The following SPTBN4 variants were observed in gnomAD, a reference collection of about 807,000 sequenced individuals.
The protein encoded by SPTBN4 is spectrin beta chain, non-erythrocytic 4.
In SPTBN4, 96 loss-of-function variants were observed where a neutral mutation model predicts 277.8. The observed-to-expected ratio is 0.35, with a 90% CI of 0.29 to 0.41. SPTBN4 has a LOEUF of 0.41. Among genes scored for constraint, SPTBN4 ranks in the 10% least tolerant of loss-of-function variants. SPTBN4 has a pLI of 1.00. For synonymous variants in SPTBN4, 1,481 were observed against 1,580.3 expected, an observed-to-expected ratio of 0.94 and a Z score of 1.49; for missense variants, 3,006 against 3,595.7, an observed-to-expected ratio of 0.84 and a Z score of 4.19.
Position 40,554,804 on chromosome 19 carries a change from G to C in SPTBN4, c.5084+158G>C. ...ATTTGGCAAGTGGGCGGGCCGGAAT[G>C]GGGGGACACGGCTCAGGGATGGTTG... On this transcript the variant is annotated intron_variant, in intron 24 of 35. Coordinates refer to ENST00000598249, the MANE Select transcript of SPTBN4 (RefSeq NM_020971.3). This position sits in a 1 kb window ranked among gnomAD's most constrained non-coding sequence, Gnocchi z 5.7. The C allele has an allele frequency of 9.0e-7, 1 of 1,114,088 alleles. No homozygotes were observed. Among genetic ancestry groups the C allele is most frequent in the Non-Finnish European group, 1.3e-6 (1 of 775,808 alleles). 69.0% of individuals were successfully genotyped at this position (1,114,088 alleles called of 1,614,324 possible). A position where few individuals can be genotyped will look rare whatever the true frequency, so the allele number is the denominator to read the frequency against.
rs530023912 is a variant in SPTBN4 at position 40,486,785 on chromosome 19, G to T, written c.170-912G>T. ...GCTGAGGCCATGGCTGTATTTATCC[G>T]TGTCCTCTCTGAACTGAGCTCTGTG... On this transcript the variant is annotated intron_variant, in intron 2 of 35. Coordinates refer to ENST00000598249, the MANE Select transcript of SPTBN4 (RefSeq NM_020971.3). Among the ~76,000 whole-genome samples, 3 of 152,132 alleles carry T rather than the reference G, an allele frequency of 2.0e-5. No homozygotes were observed. In the South Asian group the frequency reaches 6.2e-4, roughly 32 times the overall value.
At position 40,556,232 on chromosome 19, in the gene SPTBN4, G is replaced by C; in HGVS notation, c.5233G>C (p.Glu1745Gln). Residue 1745 changes from glutamate (E) to glutamine (Q), a missense_variant, in exon 25 of 36, where the codon GAG (glutamate) becomes CAG (glutamine). This residue lies in a region of SPTBN4 where 425 missense variants were observed against 594.7 expected (regional missense o/e 0.71). Coordinates refer to ENST00000598249, the MANE Select transcript of SPTBN4 (RefSeq NM_020971.3). ...GAGCGAGCTTGAGCACTGGATTGCC[G>C]AGAAGGAGGTGGTGGCTGGCTCACC... ...QVSELEHWIA[E>Q]KEVVAGSPEL... The C allele has an allele frequency of 6.2e-7, 1 of 1,613,634 alleles. No individual in the cohort carries two copies. The highest frequency in any genetic ancestry group is 8.5e-7 in the Non-Finnish European group (1 of 1,179,946).
intron 16 of SPTBN4, among the ~76,000 whole-genome samples, chr19:40,521,045 C>T: frequency 6.6e-6 from 1 of 152,134 alleles, no homozygotes; most frequent in Non-Finnish European, 1.5e-5. Flanking sequence ...CTGCCTCAGC[C>T]TCCCAAGTAG....
chr19:40,491,039 TAAAAG>T (rs2080130340), intron 4 of SPTBN4, among the ~76,000 whole-genome samples: 1 of 150,758 alleles, frequency 6.6e-6, no homozygotes, highest in Non-Finnish European at 1.5e-5. Flanking sequence ...GACCATGACT[TAAAAG>T]AAAAAAAAAG....
intron 15 of SPTBN4, among the ~76,000 whole-genome samples, chr19:40,517,555 CA>C (rs1298274037): frequency 5.3e-5 from 8 of 152,090 alleles, no homozygotes; most frequent in Non-Finnish European, 1.2e-4. Flanking sequence ...TTGGCCTCCG[CA>C]AGTGCTGGAA....
At chr19:40,508,709 T>A (rs904768049) in intron 13 of SPTBN4, among the ~76,000 whole-genome samples, 1 of 152,056 alleles carries the variant, frequency 6.6e-6, no homozygotes, top group Non-Finnish European at 1.5e-5. Context: ...TATATATATA[T>A]GACTGGTGGC....
Position 40,556,077 on chromosome 19 carries a change from C to G in SPTBN4, c.5085-7C>G, listed in dbSNP as rs1193252061. On this transcript the variant is annotated splice_polypyrimidine_tract_variant and splice_region_variant and intron_variant, in intron 24 of 35. Coordinates refer to ENST00000598249, the MANE Select transcript of SPTBN4 (RefSeq NM_020971.3). ...GTCCATCCCTGCCCCTCCATGTCCCCCTTCAGCGAGCAGATCAGCCGGCGG... is the reference window on the plus strand; with the variant it reads ...GTCCATCCCTGCCCCTCCATGTCCCGCTTCAGCGAGCAGATCAGCCGGCGG... 2.5e-6 allele frequency: 4 copies of G among 1,607,772 alleles called. No homozygotes were observed. Among genetic ancestry groups the G allele is most frequent in the Non-Finnish European group, 3.4e-6 (4 of 1,177,232 alleles).
At chr19:40,469,015 C>T (rs1030074044) in intron 1 of SPTBN4, among the ~76,000 whole-genome samples, 4 of 151,898 alleles carry the variant, frequency 2.6e-5, no homozygotes, top group African/African-American at 7.3e-5. Flanking sequence ...GGGAGGATCG[C>T]GTGAGCACAA....
In SPTBN4 at chr19:40,494,931, A is replaced by G; in HGVS notation, c.622A>G (p.Ser208Gly). The change falls in exon 6 of 36, where the codon AGC becomes GGC. Residue 208 changes from serine to glycine, a missense_variant. Physicochemically the swap from Ser to Gly is moderately conservative, Grantham distance 56. Coordinates refer to ENST00000598249, the MANE Select transcript of SPTBN4 (RefSeq NM_020971.3). ...GGTAAACATCCAGAATTTCACCACCAGCTGGCGGGATGGCTTGGCCTTCAA... is the reference window on the plus strand; with the variant it reads ...GGTAAACATCCAGAATTTCACCACCGGCTGGCGGGATGGCTTGGCCTTCAA... ...PEVNIQNFTT[S>G]WRDGLAFNAL... is the part of the protein sequence containing the mutation. 3 of 1,614,092 alleles carry G rather than the reference A, an allele frequency of 1.9e-6. No homozygotes were observed. The highest frequency in any genetic ancestry group is 2.5e-6 in the Non-Finnish European group (3 of 1,180,002).
chr19:40,570,901 C>A, intron 33 of SPTBN4, 173 bp downstream of exon 33: 12 of 566,242 alleles, frequency 2.1e-5, no homozygotes, highest in South Asian at 2.0e-4. Flanking sequence ...GAAAGCCAAC[C>A]AATGAGCAGG....
chr19:40,532,527 C>G (rs1256496353), intron 18 of SPTBN4, 98 bp from the exon 19 acceptor site: 2 of 1,474,236 alleles, frequency 1.4e-6, no homozygotes, highest in South Asian at 1.4e-5. Flanking sequence ...CCCATACACC[C>G]TAGCAGCCCA....
At chr19:40,572,460 G>A in intron 35 of SPTBN4, 80 bp downstream of exon 35, 2 of 1,532,178 alleles carry the variant, frequency 1.3e-6, no homozygotes, top group Non-Finnish European at 1.8e-6. Flanking sequence ...GAGTGATGGG[G>A]CTGTGAGAAG....
chr19:40,561,714 T>C (rs894035348), intron 27 of SPTBN4, among the ~76,000 whole-genome samples: 1 of 149,748 alleles, frequency 6.7e-6, no homozygotes, highest in African/African-American at 2.5e-5. Flanking sequence ...CCCAGCTACT[T>C]GGGAGGCTGA....
chr19:40,556,387 C>T (rs1258362833), intron 25 of SPTBN4, 99 bp downstream of exon 25: 1 of 1,071,160 alleles, frequency 9.3e-7, no homozygotes, highest in African/African-American at 1.6e-5. Context: ...ACAGCACCCG[C>T]CTCATGGCTC....
intron 20 of SPTBN4, among the ~76,000 whole-genome samples, chr19:40,535,980 A>T (rs150975154): frequency 3.3e-5 from 5 of 152,220 alleles, no homozygotes; most frequent in East Asian, 1.9e-4. Flanking sequence ...AAAATAAAAA[A>T]AATAATTAGG....
intron 2 of SPTBN4, among the ~76,000 whole-genome samples, chr19:40,487,295 C>T (rs917498672): frequency 3.3e-5 from 5 of 149,862 alleles, no homozygotes; most frequent in Non-Finnish European, 5.9e-5. Context: ...CCGTCTCAGC[C>T]TTCCAAAGTG....
At chr19:40,565,927 A>T (rs1471159879) in intron 29 of SPTBN4, among the ~76,000 whole-genome samples, 182 bp downstream of exon 29, 2 of 152,082 alleles carry the variant, frequency 1.3e-5, no homozygotes, top group Non-Finnish European at 1.5e-5. Context: ...CCCACCCTTG[A>T]AAAAAAAGTC....
chr19:40,488,742 C>A (rs2080101951), intron 3 of SPTBN4, among the ~76,000 whole-genome samples: 1 of 152,038 alleles, frequency 6.6e-6, no homozygotes, highest in Admixed American at 6.6e-5. Context: ...CCTGGGAGGT[C>A]GAGGCTGCAG....
chr19:40,522,274 C>T (rs1454120442), intron 16 of SPTBN4, among the ~76,000 whole-genome samples: 1 of 151,470 alleles, frequency 6.6e-6, no homozygotes, highest in Non-Finnish European at 1.5e-5. Flanking sequence ...GTGATCCTCC[C>T]GCCTCTGCCT....
Sources: allele counts gnomAD v4.1 joint callset (sites outside exome capture counted in the v4.1 genomes callset), GRCh38; gene constraint gnomAD v4.1.1; regional missense constraint gnomAD v4.1.1; non-coding constraint Gnocchi (gnomAD v3.1); transcripts MANE v1.5; gene names NCBI Gene and HGNC (gene_info 2026-07-23, HGNC 2026-07-21).